The following DLG2 variants were observed in gnomAD, a reference collection of about 807,000 sequenced individuals.
The protein encoded by DLG2 is discs large MAGUK scaffold protein 2.
In DLG2, 45 loss-of-function variants were observed where a neutral mutation model predicts 132.5. The ratio of observed to expected loss-of-function variants is 0.34; its 90% CI spans 0.27 to 0.44. The LOEUF (loss-of-function observed/expected upper bound fraction) is 0.44. DLG2 is among the 20% of genes least tolerant of loss of function. The pLI is 1.00. For synonymous variants in DLG2, 424 were observed against 419.6 expected (o/e 1.01, Z -0.13); for missense variants, 1,045 against 1,196.9 (o/e 0.87, Z 1.87).
intron 6 of DLG2, among the ~76,000 whole-genome samples, chr11:84,561,501 A>G (rs756558525): frequency 3.3e-5 from 5 of 152,088 alleles, no homozygotes; most frequent in Non-Finnish European, 7.4e-5. Flanking sequence ...TAGAAGTGTA[A>G]TTAATCTACT....
At chr11:85,540,420 G>C (rs2075889453) in intron 3 of DLG2, among the ~76,000 whole-genome samples, 1 of 152,256 alleles carries the variant, frequency 6.6e-6, no homozygotes, top group South Asian at 2.1e-4. Context: ...GTGGAATTTG[G>C]TCAGTAGTGA....
chr11:85,409,913 T>C (rs1161166112), intron 3 of DLG2, among the ~76,000 whole-genome samples: 2 of 151,860 alleles, frequency 1.3e-5, no homozygotes, highest in East Asian at 3.9e-4. Flanking sequence ...CAACGCATAT[T>C]AAATTAAAAG....
At position 84,268,756 on chromosome 11, in the gene DLG2, C is replaced by T. The variant is rs548096086; in HGVS notation, c.520-17465G>A. Among the ~76,000 whole-genome samples the T allele has an allele frequency of 2.8e-3, 426 of 152,186 alleles. 1 individual carries two copies. The highest frequency in any genetic ancestry group is 9.4e-3 in the African/African-American group (392 of 41,504). On this transcript the variant is annotated intron_variant, in intron 7 of 27. Coordinates refer to ENST00000376104, the MANE Select transcript of DLG2 (RefSeq NM_001142699.3). Reference sequence around the variant, plus strand: ...GATAACAGACGTGAGCCACCGCGCCCGGCCCATCTCTTTTTTACAGTTTGT... The same window carrying T: ...GATAACAGACGTGAGCCACCGCGCCTGGCCCATCTCTTTTTTACAGTTTGT...
chr11:83,544,446 TTTG>T (rs1206623335), intron 19 of DLG2, among the ~76,000 whole-genome samples: 1 of 152,114 alleles, frequency 6.6e-6, no homozygotes, highest in Non-Finnish European at 1.5e-5. Context: ...CCCACTTTTT[TTTG>T]TTGTTGTTAA....
intron 6 of DLG2, among the ~76,000 whole-genome samples, chr11:84,720,663 A>G (rs947101787): frequency 7.2e-5 from 11 of 152,034 alleles, no homozygotes; most frequent in Non-Finnish European, 1.6e-4. Context: ...GGGGGAGGTA[A>G]AATAAAAATA....
intron 7 of DLG2, among the ~76,000 whole-genome samples, chr11:84,320,693 T>C (rs1001923569): frequency 6.6e-5 from 10 of 152,190 alleles, no homozygotes; most frequent in Non-Finnish European, 8.8e-5. Context: ...TCATAACTTT[T>C]GTGAGACAAA....
At chr11:85,027,011 T>C (rs1287134213) in intron 6 of DLG2, among the ~76,000 whole-genome samples, 1 of 151,874 alleles carries the variant, frequency 6.6e-6, no homozygotes, top group Admixed American at 6.6e-5. Flanking sequence ...ATAATACAAA[T>C]ACTTATTAAT....
intron 11 of DLG2, among the ~76,000 whole-genome samples, chr11:84,038,310 AC>A (rs1245808015): frequency 1.2e-4 from 18 of 152,178 alleles, no homozygotes; most frequent in South Asian, 2.1e-4. Context: ...AGAAAAAAAA[AC>A]AACCCCATAA....
At chr11:83,811,434 G>A (rs2047247334) in intron 17 of DLG2, among the ~76,000 whole-genome samples, 1 of 151,852 alleles carries the variant, frequency 6.6e-6, no homozygotes, top group Admixed American at 6.6e-5. Flanking sequence ...AACTTCATAT[G>A]GTTCAGCCTA....
chr11:84,977,011 T>C (rs570948907), intron 6 of DLG2, among the ~76,000 whole-genome samples: 26 of 152,282 alleles, frequency 1.7e-4, no homozygotes, highest in African/African-American at 6.3e-4. Flanking sequence ...TGTAGCTATA[T>C]AGAATATGCT....
At chr11:84,247,820 C>T (rs993890648) in intron 8 of DLG2, among the ~76,000 whole-genome samples, 25 of 152,136 alleles carry the variant, frequency 1.6e-4, no homozygotes, top group Non-Finnish European at 7.4e-5. Context: ...ACCATTTTCA[C>T]AAGAACCATT....
chr11:83,699,781 C>T (rs1008496779), intron 18 of DLG2, among the ~76,000 whole-genome samples: 3 of 150,712 alleles, frequency 2.0e-5, no homozygotes, highest in African/African-American at 7.3e-5. Context: ...TTATAGAATG[C>T]TCCTTTGGTA....
intron 3 of DLG2, among the ~76,000 whole-genome samples, chr11:85,498,719 C>A (rs1364243080): frequency 1.3e-5 from 2 of 152,098 alleles, no homozygotes; most frequent in Non-Finnish European, 2.9e-5. Context: ...ACAGGAATCA[C>A]AACAAACTGT....
chr11:84,553,305 T>C (rs925996584), intron 6 of DLG2, among the ~76,000 whole-genome samples: 3 of 152,332 alleles, frequency 2.0e-5, no homozygotes, highest in Admixed American at 6.5e-5. Context: ...TGCACTGTAA[T>C]AGACCCTGGT....
intron 27 of DLG2, 28 bp downstream of exon 27, chr11:83,461,974 C>T (rs376645412): frequency 2.7e-6 from 4 of 1,465,060 alleles, no homozygotes; most frequent in Non-Finnish European, 2.9e-6. Flanking sequence ...TCCCCTTTCT[C>T]ACACTACCAG....
chr11:85,414,809 G>A (rs1484637891), intron 3 of DLG2, among the ~76,000 whole-genome samples: 5 of 151,794 alleles, frequency 3.3e-5, no homozygotes, highest in Non-Finnish European at 5.9e-5. Context: ...TTATGATTGT[G>A]ACATTTTCCT....
Position 84,537,385 on chromosome 11 carries a change from C to T in DLG2, c.358-2654G>A, listed in dbSNP as rs112036375. ...CCTCCCAAAGTGCTAGGATTACAGGCGTGAGCCACCGCACCCAGCCCTGAA... is the reference window on the plus strand; with the variant it reads ...CCTCCCAAAGTGCTAGGATTACAGGTGTGAGCCACCGCACCCAGCCCTGAA... On this transcript the variant is annotated intron_variant, in intron 6 of 27. Transcript: ENST00000376104. Among the ~76,000 whole-genome samples the T allele has an allele frequency of 3.0e-3, 450 of 152,204 alleles. 1 individual carries two copies. Among genetic ancestry groups the T allele is most frequent in the African/African-American group, 9.9e-3 (412 of 41,500 alleles).
At chr11:83,583,039 T>G (rs1306668785) in intron 19 of DLG2, among the ~76,000 whole-genome samples, 1 of 152,210 alleles carries the variant, frequency 6.6e-6, no homozygotes, top group South Asian at 2.1e-4. Flanking sequence ...GCTCTAAAGC[T>G]CTTGCTCTTT....
At chr11:83,629,720 G>T (rs1380068074) in intron 19 of DLG2, among the ~76,000 whole-genome samples, 1 of 152,050 alleles carries the variant, frequency 6.6e-6, no homozygotes, top group Admixed American at 6.6e-5. Context: ...TTAGAGTAGG[G>T]AGATCTTCAT....
Sources: allele counts gnomAD v4.1 joint callset (sites outside exome capture counted in the v4.1 genomes callset), GRCh38; gene constraint gnomAD v4.1.1; transcripts MANE v1.5; gene names NCBI Gene and HGNC (gene_info 2026-07-23, HGNC 2026-07-21).